PHACTR3: variants seen among roughly 807,000 people sequenced by gnomAD.
PHACTR3 encodes the protein protein phosphatase 1, regulatory subunit 123.
Under a neutral mutation model 66.8 loss-of-function variants are expected in PHACTR3, and 16 were observed. The observed-to-expected ratio is 0.24, with a 90% CI of 0.16 to 0.36. The LOEUF (loss-of-function observed/expected upper bound fraction) is 0.36, where lower values mean the gene tolerates loss of function less well. PHACTR3 is among the 10% of genes least tolerant of loss of function. The pLI, the probability that PHACTR3 is intolerant of heterozygous loss-of-function variation, is 1.00. For synonymous variants in PHACTR3, 323 were observed against 292.1 expected (o/e 1.11, Z -1.08); for missense variants, 647 against 719.9 (o/e 0.90, Z 1.16).
intron 1 of PHACTR3, among the ~76,000 whole-genome samples, chr20:59,610,321 T>C (rs1039556202): frequency 3.3e-5 from 5 of 152,184 alleles, no homozygotes; most frequent in Non-Finnish European, 7.3e-5. Context: ...CCAATGACAA[T>C]GGACCCCTTT....
At chr20:59,701,923 G>C (rs760738749) in intron 1 of PHACTR3, among the ~76,000 whole-genome samples, 1 of 152,224 alleles carries the variant, frequency 6.6e-6, no homozygotes, top group Non-Finnish European at 1.5e-5. Context: ...CTATGGTTTT[G>C]TCTTTTCCAA....
chr20:59,740,819 C>T (rs1388239742), intron 1 of PHACTR3, among the ~76,000 whole-genome samples: 2 of 152,242 alleles, frequency 1.3e-5, no homozygotes, highest in African/African-American at 4.8e-5. Flanking sequence ...ACTGGGGGCA[C>T]AGAGGTCACT....
At chr20:59,774,210 T>C (rs2040449847) in intron 6 of PHACTR3, 33 bp from the exon 7 acceptor site, 2 of 1,527,536 alleles carry the variant, frequency 1.3e-6, no homozygotes, top group Non-Finnish European at 1.8e-6. Flanking sequence ...GTGAAGGGGG[T>C]GACCTATAAC....
At chr20:59,729,281 G>A (rs2038680410) in intron 1 of PHACTR3, among the ~76,000 whole-genome samples, 1 of 152,122 alleles carries the variant, frequency 6.6e-6, no homozygotes, top group African/African-American at 2.4e-5. Flanking sequence ...ACATTGTCCT[G>A]AGTGACCATT....
At chr20:59,618,107 C>G (rs1600927132) in intron 1 of PHACTR3, among the ~76,000 whole-genome samples, 1 of 152,274 alleles carries the variant, frequency 6.6e-6, no homozygotes, top group East Asian at 1.9e-4. Context: ...AATTAACTAG[C>G]CCAGCAGGAA....
chr20:59,749,161 C>T (rs1168370514), intron 3 of PHACTR3, among the ~76,000 whole-genome samples: 1 of 152,144 alleles, frequency 6.6e-6, no homozygotes, highest in African/African-American at 2.4e-5. Context: ...AGCTAGAAAT[C>T]TGGAGGATTT....
At chr20:59,605,243 C>A in intron 1 of PHACTR3, 111 bp downstream of exon 1, 1 of 718,880 alleles carries the variant, frequency 1.4e-6, no homozygotes, top group Non-Finnish European at 1.9e-6. Context: ...GGAGCCGCGG[C>A]AGGAACCCGC....
chr20:59,719,321 C>T (rs1428991500), intron 1 of PHACTR3, among the ~76,000 whole-genome samples: 1 of 152,116 alleles, frequency 6.6e-6, no homozygotes, highest in African/African-American at 2.4e-5. Context: ...CCTGCCACCA[C>T]ACCCGGCTAA....
At chr20:59,657,174 A>G (rs1279087375) in intron 1 of PHACTR3, among the ~76,000 whole-genome samples, 3 of 151,658 alleles carry the variant, frequency 2.0e-5, no homozygotes, top group African/African-American at 7.3e-5. Flanking sequence ...ACTCCAATTC[A>G]TCTTTGCTCC....
intron 7 of PHACTR3, among the ~76,000 whole-genome samples, chr20:59,799,714 G>T (rs1294074066): frequency 1.3e-5 from 2 of 152,028 alleles, no homozygotes; most frequent in African/African-American, 2.4e-5. Flanking sequence ...TATAAGACTT[G>T]TTGGCAGCAC....
intron 7 of PHACTR3, among the ~76,000 whole-genome samples, chr20:59,787,952 C>A (rs1568823023): frequency 6.6e-6 from 1 of 152,176 alleles, no homozygotes; most frequent in African/African-American, 2.4e-5. Context: ...CCCACAGATG[C>A]ATTTTTCCGT....
chr20:59,768,334 G>A (rs1247071196), intron 5 of PHACTR3, among the ~76,000 whole-genome samples: 2 of 152,188 alleles, frequency 1.3e-5, no homozygotes, highest in Admixed American at 1.3e-4. Flanking sequence ...TGCATAGCAG[G>A]GTTTGACAGT....
At chr20:59,696,130 G>A (rs1183129671) in intron 1 of PHACTR3, among the ~76,000 whole-genome samples, 2 of 152,150 alleles carry the variant, frequency 1.3e-5, no homozygotes, top group Non-Finnish European at 2.9e-5. Flanking sequence ...CTTTATTTAG[G>A]AAGAGTGAAC....
chr20:59,765,256 G>A (rs1000070291), intron 4 of PHACTR3, among the ~76,000 whole-genome samples: 6 of 152,168 alleles, frequency 3.9e-5, no homozygotes, highest in African/African-American at 1.4e-4. Flanking sequence ...TCAAAGCATA[G>A]GAGTCTTAAA....
chr20:59,648,654 T>C (rs2035363277), intron 1 of PHACTR3, among the ~76,000 whole-genome samples: 1 of 152,248 alleles, frequency 6.6e-6, no homozygotes, highest in Admixed American at 6.5e-5. Flanking sequence ...AGGCTTACGC[T>C]GACCTTGGTA....
At chr20:59,627,865 ATCAATATATCTATAATCTATTTT>A (rs1429779792) in intron 1 of PHACTR3, among the ~76,000 whole-genome samples, 3 of 152,124 alleles carry the variant, frequency 2.0e-5, no homozygotes, top group African/African-American at 4.8e-5. Context: ...TTATTTATGT[ATCAATATATCTATAATCTATTTT>A]TCAATATATC....
intron 1 of PHACTR3, among the ~76,000 whole-genome samples, chr20:59,649,388 G>T (rs1393123785): frequency 1.3e-5 from 2 of 152,184 alleles, no homozygotes; most frequent in Admixed American, 6.5e-5. Context: ...ATCTATTAAT[G>T]AAGTAAATTC....
Position 59,690,671 on chromosome 20 carries a change from T to C in PHACTR3, c.119-52436T>C, listed in dbSNP as rs866466558. Among the ~76,000 whole-genome samples, 4 of 152,180 alleles carry C rather than the reference T, an allele frequency of 2.6e-5. No individual in the cohort carries two copies. In the South Asian group the frequency reaches 8.3e-4, roughly 32 times the overall value. ...TCCTCTTTCTGCTAGTAAATCCTCC[T>C]TCCTCCTCACTGGCTGGATGAAGCA... On this transcript the variant is annotated intron_variant, in intron 1 of 12. Coordinates refer to ENST00000371015, the MANE Select transcript of PHACTR3 (RefSeq NM_080672.5).
chr20:59,701,514 A>G (rs1466412435), intron 1 of PHACTR3, among the ~76,000 whole-genome samples: 1 of 152,208 alleles, frequency 6.6e-6, no homozygotes, highest in African/African-American at 2.4e-5. Flanking sequence ...GATGGGAAAG[A>G]CCTGGATAGA....
Sources: allele counts gnomAD v4.1 joint callset (sites outside exome capture counted in the v4.1 genomes callset), GRCh38; gene constraint gnomAD v4.1.1; transcripts MANE v1.5; gene names NCBI Gene and HGNC (gene_info 2026-07-23, HGNC 2026-07-21).